SSH2: variants seen among roughly 807,000 people sequenced by gnomAD.
SSH2 encodes the protein protein phosphatase Slingshot homolog 2.
A neutral mutation model predicts 135.2 loss-of-function variants in SSH2; 37 were observed. That is an observed-to-expected ratio of 0.27 (90% confidence interval 0.21 to 0.36). The LOEUF is 0.36. Among genes scored for constraint, SSH2 ranks in the 10% least tolerant of loss-of-function variants. The probability of loss-of-function intolerance (pLI) is 1.00; values close to 1 mark genes in which losing one functional copy is unlikely to be tolerated. For missense variants in SSH2, 1,408 were observed against 1,765.3 expected (o/e 0.80, Z 3.63); for synonymous variants, 628 against 646.2 (o/e 0.97, Z 0.43).
At chr17:29,634,701 C>CCT (rs2035823555) in intron 15 of SSH2, among the ~76,000 whole-genome samples, 1 of 151,986 alleles carries the variant, frequency 6.6e-6, no homozygotes, top group African/African-American at 2.4e-5. Context: ...TACAGGTGCG[C>CCT]GCCACCACGC....
intron 3 of SSH2, among the ~76,000 whole-genome samples, chr17:29,737,176 T>C (rs1213882870): frequency 1.3e-5 from 2 of 150,358 alleles, no homozygotes; most frequent in Non-Finnish European, 3.0e-5. Context: ...ATTACATCTA[T>C]AAATGCAGTG....
chr17:29,815,521 G>A (rs780599930), intron 2 of SSH2, among the ~76,000 whole-genome samples: 52 of 152,192 alleles, frequency 3.4e-4, no homozygotes, highest in Non-Finnish European at 6.5e-4. Flanking sequence ...TCGGCCTCCC[G>A]AAGTGCTGAG....
At chr17:29,761,223 T>A in intron 3 of SSH2, 1 of 1,288,362 alleles carries the variant, frequency 7.8e-7, no homozygotes. Flanking sequence ...CCACCGAGGC[T>A]GCAGGTGCAA....
At chr17:29,838,611 C>T (rs935785155) in intron 2 of SSH2, among the ~76,000 whole-genome samples, 3 of 152,164 alleles carry the variant, frequency 2.0e-5, no homozygotes, top group African/African-American at 7.2e-5. Flanking sequence ...GAAGAGAGGA[C>T]GGGATGATCT....
intron 1 of SSH2, among the ~76,000 whole-genome samples, chr17:29,888,931 C>CAAAAAAAA (rs1175371440): frequency 4.8e-5 from 2 of 42,084 alleles, no homozygotes; most frequent in Non-Finnish European, 7.8e-5. Context: ...GACACTATCT[C>CAAAAAAAA]AAAAAAAAAA....
At chr17:29,790,845 C>T (rs2042052779) in intron 3 of SSH2, among the ~76,000 whole-genome samples, 1 of 151,528 alleles carries the variant, frequency 6.6e-6, no homozygotes, top group Non-Finnish European at 1.5e-5. Context: ...TCTCCTGCCT[C>T]AGCCTCCTGA....
chr17:29,804,419 GA>G (rs2042303797), intron 2 of SSH2, among the ~76,000 whole-genome samples: 1 of 151,836 alleles, frequency 6.6e-6, no homozygotes, highest in Non-Finnish European at 1.5e-5. Flanking sequence ...TGATTCTAAA[GA>G]AAAAAAAGTC....
intron 2 of SSH2, among the ~76,000 whole-genome samples, chr17:29,814,928 A>G (rs995030491): frequency 2.6e-5 from 4 of 151,252 alleles, no homozygotes; most frequent in Non-Finnish European, 5.9e-5. Flanking sequence ...GAAAATGTAT[A>G]AATTACTGTT....
At chr17:29,856,978 G>A (rs527497936) in intron 1 of SSH2, among the ~76,000 whole-genome samples, 8 of 152,008 alleles carry the variant, frequency 5.3e-5, no homozygotes, top group Non-Finnish European at 7.4e-5. Flanking sequence ...ACAACATGTC[G>A]GAATTCAAGA....
At chr17:29,801,685 T>C (rs2042252657) in intron 2 of SSH2, among the ~76,000 whole-genome samples, 1 of 152,222 alleles carries the variant, frequency 6.6e-6, no homozygotes, top group Non-Finnish European at 1.5e-5. Context: ...CATCATCAGA[T>C]TGTAATCTCC....
intron 3 of SSH2, among the ~76,000 whole-genome samples, chr17:29,788,810 G>C (rs1276001646): frequency 6.6e-6 from 1 of 152,142 alleles, no homozygotes; most frequent in Non-Finnish European, 1.5e-5. Flanking sequence ...GTGCATGCTA[G>C]AAAAAGCCAA....
At chr17:29,912,994 C>A (rs1222279968) in intron 1 of SSH2, among the ~76,000 whole-genome samples, 9 of 151,408 alleles carry the variant, frequency 5.9e-5, no homozygotes, top group African/African-American at 2.2e-4. Flanking sequence ...GGTCTAGAAC[C>A]CAAGTGGCCA....
intron 2 of SSH2, among the ~76,000 whole-genome samples, chr17:29,819,337 A>G (rs1437905514): frequency 6.6e-6 from 1 of 152,222 alleles, no homozygotes; most frequent in Non-Finnish European, 1.5e-5. Flanking sequence ...TTTCCTAAGA[A>G]GCATAACTTT....
intron 1 of SSH2, among the ~76,000 whole-genome samples, chr17:29,885,436 C>G (rs1420338695): frequency 6.6e-6 from 1 of 151,080 alleles, no homozygotes; most frequent in African/African-American, 2.4e-5. Flanking sequence ...CTGAGTGACA[C>G]GAGTGATAGA....
chr17:29,734,648 T>C (rs1391636695), intron 3 of SSH2, among the ~76,000 whole-genome samples: 1 of 152,210 alleles, frequency 6.6e-6, no homozygotes, highest in Middle Eastern at 3.2e-3. Flanking sequence ...TAAATCATTT[T>C]TGCCTCCCTG....
chr17:29,727,521 T>C (rs1261265234), intron 3 of SSH2, among the ~76,000 whole-genome samples: 1 of 152,178 alleles, frequency 6.6e-6, no homozygotes, highest in Non-Finnish European at 1.5e-5. Flanking sequence ...GAAAAGATAA[T>C]TTACGTTAAA....
At chr17:29,869,430 C>T (rs986439031) in intron 1 of SSH2, among the ~76,000 whole-genome samples, 7 of 152,188 alleles carry the variant, frequency 4.6e-5, no homozygotes, top group African/African-American at 1.4e-4. Context: ...AAGGCTGTCC[C>T]CTTGTAGTGT....
At chr17:29,843,559 GAAA>G (rs1313720457) in intron 2 of SSH2, among the ~76,000 whole-genome samples, 1 of 122,902 alleles carries the variant, frequency 8.1e-6, no homozygotes, top group South Asian at 2.6e-4. Context: ...TCAGTCTCAA[GAAA>G]AAAAAAAAAA....
chr17:29,700,515 A>G (rs2038932685), intron 4 of SSH2, among the ~76,000 whole-genome samples: 1 of 152,206 alleles, frequency 6.6e-6, no homozygotes, highest in African/African-American at 2.4e-5. Flanking sequence ...CTGTTAGTTG[A>G]TATTTCAAAA....
Sources: allele counts gnomAD v4.1 joint callset (sites outside exome capture counted in the v4.1 genomes callset), GRCh38; gene constraint gnomAD v4.1.1; transcripts MANE v1.5; gene names NCBI Gene and HGNC (gene_info 2026-07-23, HGNC 2026-07-21).